The following GSK3B variants were observed in gnomAD, a reference collection of about 807,000 sequenced individuals.
GSK3B encodes glycogen synthase kinase 3 beta.
GSK3B carries 15 observed loss-of-function variants against 56.4 expected under a neutral mutation model. The ratio of observed to expected loss-of-function variants is 0.27; its 90% CI spans 0.18 to 0.41. GSK3B has a LOEUF of 0.41. Ranked by LOEUF, GSK3B falls within the 10% of genes least tolerant of loss-of-function variation. The pLI is 1.00. For missense variants in GSK3B, 300 were observed against 513.4 expected, an observed-to-expected ratio of 0.58 and a Z score of 4.02; for synonymous variants, 181 against 188.9, an observed-to-expected ratio of 0.96 and a Z score of 0.34.
chr3:120,046,289 A>G (rs2058102143), intron 1 of GSK3B, among the ~76,000 whole-genome samples: 2 of 152,210 alleles, frequency 1.3e-5, no homozygotes, highest in African/African-American at 4.8e-5. Flanking sequence ...TTCAGTTAAT[A>G]ATTTAGTATC....
At chr3:120,074,700 G>A (rs2058355084) in intron 1 of GSK3B, among the ~76,000 whole-genome samples, 1 of 152,046 alleles carries the variant, frequency 6.6e-6, no homozygotes, top group South Asian at 2.1e-4. Context: ...AACCTGCCAA[G>A]GTTGAATCAG....
Position 119,893,450 on chromosome 3 carries a change from G to A in GSK3B, c.813+12305C>T, listed in dbSNP as rs555520353. 5.3e-4 allele frequency among the ~76,000 whole-genome samples: 81 copies of A among 152,044 alleles called. No individual in the cohort carries two copies. In the South Asian group the frequency reaches 6.2e-3, roughly 12 times the overall value. On this transcript the variant is annotated intron_variant, in intron 7 of 10. Transcript: ENST00000264235. ...TTGGGGTGCAATATTTCTCTCTCAG[G>A]GTTTCCTTCTAATTTCCAAAAGGCA...
chr3:119,983,842 T>C (rs962444385), intron 2 of GSK3B, among the ~76,000 whole-genome samples: 1 of 152,196 alleles, frequency 6.6e-6, no homozygotes, highest in Admixed American at 6.5e-5. Flanking sequence ...AACTCAGCTC[T>C]GCAACAAGCA....
intron 7 of GSK3B, among the ~76,000 whole-genome samples, chr3:119,886,169 A>G (rs188254429): frequency 1.3e-5 from 2 of 152,246 alleles, no homozygotes; most frequent in Admixed American, 6.5e-5. Context: ...TCCAGAATCT[A>G]TAAGAAATTT....
intron 3 of GSK3B, among the ~76,000 whole-genome samples, chr3:119,931,298 G>C (rs1210028175): frequency 1.3e-5 from 2 of 152,160 alleles, no homozygotes; most frequent in African/African-American, 4.8e-5. Context: ...CACAATGCTA[G>C]AATACTCACA....
At chr3:119,865,696 C>T (rs1242710885) in intron 8 of GSK3B, among the ~76,000 whole-genome samples, 2 of 151,528 alleles carry the variant, frequency 1.3e-5, no homozygotes, top group African/African-American at 4.8e-5. Context: ...GTCTCCATCT[C>T]CTGACCTCAT....
At chr3:119,997,192 C>A (rs1490366635) in intron 2 of GSK3B, among the ~76,000 whole-genome samples, 2 of 151,972 alleles carry the variant, frequency 1.3e-5, no homozygotes, top group East Asian at 3.9e-4. Flanking sequence ...AGTAAAGTAC[C>A]CTACTAAAGG....
intron 1 of GSK3B, among the ~76,000 whole-genome samples, chr3:120,057,968 C>T (rs572626038): frequency 2.0e-5 from 3 of 152,152 alleles, no homozygotes; most frequent in African/African-American, 7.2e-5. Context: ...CAATCAAAAT[C>T]TCTCTCTCCC....
Position 119,825,661 on chromosome 3 carries a change from T to A in GSK3B, c.*1127A>T, listed in dbSNP as rs1400727540. 3 of 227,242 alleles carry A rather than the reference T, an allele frequency of 1.3e-5. No homozygotes were observed. The highest frequency in any genetic ancestry group is 2.6e-5 in the Non-Finnish European group (3 of 114,564). The allele number at this position is 227,242 out of a possible 1,614,324, so 14.1% of individuals were successfully genotyped here. ...AAAAGCATGAGGTTAAAAAACAAAT[T>A]AAATACAGATTCTAGATTTGGATTT... On this transcript the variant is annotated 3_prime_UTR_variant, in exon 11 of 11. Coordinates refer to ENST00000264235, the MANE Select transcript of GSK3B (RefSeq NM_001146156.2).
At chr3:119,931,131 G>A (rs2056941294) in intron 3 of GSK3B, among the ~76,000 whole-genome samples, 1 of 152,170 alleles carries the variant, frequency 6.6e-6, no homozygotes, top group African/African-American at 2.4e-5. Context: ...CCAAAGTACG[G>A]TTTTGTTTGA....
intron 1 of GSK3B, chr3:120,029,743 C>A: frequency 1.8e-6 from 1 of 553,828 alleles, no homozygotes; most frequent in Non-Finnish European, 3.7e-6. Context: ...CCTGGGGGAG[C>A]TCTCTTTGGA....
intron 9 of GSK3B, among the ~76,000 whole-genome samples, chr3:119,854,480 T>C (rs1249645160): frequency 6.6e-6 from 1 of 152,202 alleles, no homozygotes; most frequent in East Asian, 1.9e-4. Flanking sequence ...ACTGGAATAG[T>C]TTCAGAAGGA....
intron 2 of GSK3B, among the ~76,000 whole-genome samples, chr3:119,996,415 A>G (rs2057618449): frequency 6.6e-6 from 1 of 152,212 alleles, no homozygotes; most frequent in East Asian, 1.9e-4. Context: ...CTTGCAAGCC[A>G]AGGCTTTGGG....
intron 9 of GSK3B, among the ~76,000 whole-genome samples, chr3:119,848,869 C>T (rs2055891385): frequency 6.6e-6 from 1 of 151,944 alleles, no homozygotes; most frequent in Admixed American, 6.6e-5. Flanking sequence ...AAATTTAGTC[C>T]AGCTCATCAA....
At chr3:119,998,098 A>G (rs1178059566) in intron 2 of GSK3B, among the ~76,000 whole-genome samples, 1 of 152,218 alleles carries the variant, frequency 6.6e-6, no homozygotes, top group East Asian at 1.9e-4. Flanking sequence ...AAGTCAACAC[A>G]AACTGAAATT....
At chr3:120,052,424 G>C (rs16830689) in intron 1 of GSK3B, among the ~76,000 whole-genome samples, 43,105 of 151,990 alleles carry the variant, frequency 0.28, 8,063 homozygotes, top group African/African-American at 0.54. Context: ...TGATACTAAG[G>C]CTGAAAGATT....
At position 119,824,801 on chromosome 3, in the gene GSK3B, A is replaced by G. The variant is rs138830070; in HGVS notation, c.*1987T>C. ...CCTTTTGTGGCCCAAGACCTCAGCT[A>G]AACAGCGAGTGAAAACCAAGATGGC... is the stretch of plus-strand genomic sequence containing the variant. On this transcript the variant is annotated 3_prime_UTR_variant, in exon 11 of 11. Coordinates refer to ENST00000264235, the MANE Select transcript of GSK3B (RefSeq NM_001146156.2). The G allele has an allele frequency of 4.7e-4, 88 of 185,308 alleles. No homozygotes were observed. Among genetic ancestry groups the G allele is most frequent in the African/African-American group, 1.9e-3 (80 of 42,764 alleles). The allele number at this position is 185,308 out of a possible 1,614,324, so 11.5% of individuals were successfully genotyped here.
chr3:119,943,318 A>C (rs1473240404), intron 3 of GSK3B, among the ~76,000 whole-genome samples: 1 of 152,212 alleles, frequency 6.6e-6, no homozygotes, highest in African/African-American at 2.4e-5. Flanking sequence ...GCTTAGCTAC[A>C]ATTCTAAAAT....
At chr3:119,871,946 C>T (rs2056255210) in intron 8 of GSK3B, among the ~76,000 whole-genome samples, 1 of 152,110 alleles carries the variant, frequency 6.6e-6, no homozygotes. Flanking sequence ...TCTTTTGTTA[C>T]TCTGAAAGAA....
Sources: gnomAD v4.1 joint callset for allele counts (sites outside exome capture counted in the v4.1 genomes callset) on GRCh38, gnomAD v4.1.1 for gene constraint, MANE v1.5 for transcripts, NCBI Gene and HGNC (gene_info 2026-07-23, HGNC 2026-07-21) for gene names.